The following ROBO2 variants were observed in gnomAD, a reference collection of about 807,000 sequenced individuals.
ROBO2 encodes roundabout guidance receptor 2.
In ROBO2, 53 loss-of-function variants were observed where a neutral mutation model predicts 160.8. That is an observed-to-expected ratio of 0.33 (90% CI 0.26 to 0.41). ROBO2 has a LOEUF of 0.41. Among genes scored for constraint, ROBO2 ranks in the 10% least tolerant of loss-of-function variants. The pLI is 1.00. For missense variants in ROBO2, 1,577 were observed against 1,722.4 expected, an observed-to-expected ratio of 0.92 and a Z score of 1.49; for synonymous variants, 664 against 611.7, an observed-to-expected ratio of 1.09 and a Z score of -1.26.
chr3:77,120,307 C>G (rs551372064), intron 2 of ROBO2, among the ~76,000 whole-genome samples: 9 of 152,110 alleles, frequency 5.9e-5, no homozygotes, highest in Non-Finnish European at 1.3e-4. Context: ...AATAACTTTA[C>G]TTTGATGACC....
intron 2 of ROBO2, among the ~76,000 whole-genome samples, chr3:76,211,635 C>A (rs1308441035): frequency 6.6e-6 from 1 of 152,038 alleles, no homozygotes; most frequent in Non-Finnish European, 1.5e-5. Context: ...AAATGCTTAT[C>A]TACAGAAGCT....
intron 2 of ROBO2, among the ~76,000 whole-genome samples, chr3:76,875,427 G>T (rs1019846404): frequency 6.6e-6 from 1 of 152,174 alleles, no homozygotes; most frequent in African/African-American, 2.4e-5. Context: ...AAACTTAGTG[G>T]TTTAAGACAA....
At chr3:76,413,725 C>A (rs1386201660) in intron 2 of ROBO2, among the ~76,000 whole-genome samples, 1 of 152,118 alleles carries the variant, frequency 6.6e-6, no homozygotes, top group East Asian at 1.9e-4. Context: ...CCATTCAACA[C>A]GTCTCTAGGA....
intron 2 of ROBO2, among the ~76,000 whole-genome samples, chr3:76,293,437 C>T (rs949219674): frequency 2.0e-5 from 3 of 151,872 alleles, no homozygotes; most frequent in African/African-American, 7.3e-5. Context: ...GCCCATATGC[C>T]GGGAGGTGAG....
chr3:77,334,000 T>C lies in ROBO2; in HGVS notation c.389-143414T>C, dbSNP rs542004859. On this transcript the variant is annotated intron_variant, in intron 2 of 25. Transcript: ENST00000461745. ...TTAAGCTCTTTCTTTCTTTCTTTTTTAAGTTAAAGTCATACTCTAACACCT... is the reference window on the plus strand; with the variant it reads ...TTAAGCTCTTTCTTTCTTTCTTTTTCAAGTTAAAGTCATACTCTAACACCT... Among the ~76,000 whole-genome samples, 113 of 152,342 alleles carry C rather than the reference T, an allele frequency of 7.4e-4. 4 individuals carry two copies. In the South Asian group the frequency reaches 0.023, roughly 30 times the overall value.
chr3:77,442,741 A>G (rs1004733010), intron 2 of ROBO2, among the ~76,000 whole-genome samples: 1 of 152,174 alleles, frequency 6.6e-6, no homozygotes. Flanking sequence ...ACCATGTTCC[A>G]AATGAGCCGG....
chr3:77,384,210 C>G (rs1373023171), intron 2 of ROBO2, among the ~76,000 whole-genome samples: 2 of 152,058 alleles, frequency 1.3e-5, no homozygotes, highest in Non-Finnish European at 2.9e-5. Flanking sequence ...TAAATGTATG[C>G]CAACCGAAAG....
chr3:75,928,235 C>T (rs1947370359), intron 1 of ROBO2, among the ~76,000 whole-genome samples: 1 of 152,122 alleles, frequency 6.6e-6, no homozygotes, highest in Admixed American at 6.5e-5. Flanking sequence ...CCACACGCCT[C>T]GACCTCCCAA....
chr3:77,328,372 A>G (rs2065650379), intron 2 of ROBO2, among the ~76,000 whole-genome samples: 1 of 152,208 alleles, frequency 6.6e-6, no homozygotes, highest in South Asian at 2.1e-4. Flanking sequence ...ACAGTTTGCT[A>G]TGTAAAGTTT....
intron 5 of ROBO2, among the ~76,000 whole-genome samples, chr3:77,497,092 T>C (rs907644086): frequency 6.6e-6 from 1 of 152,116 alleles, no homozygotes; most frequent in Non-Finnish European, 1.5e-5. Context: ...ACATTTTCCA[T>C]GCGACCAAGG....
intron 2 of ROBO2, among the ~76,000 whole-genome samples, chr3:76,304,480 A>T (rs1315417470): frequency 6.6e-6 from 1 of 152,228 alleles, no homozygotes; most frequent in Non-Finnish European, 1.5e-5. Flanking sequence ...AGAGTTATGA[A>T]GCTAATGCTA....
intron 2 of ROBO2, among the ~76,000 whole-genome samples, chr3:76,549,843 A>G (rs534194318): frequency 1.3e-5 from 2 of 152,272 alleles, no homozygotes; most frequent in South Asian, 2.1e-4. Flanking sequence ...GCTTTCACAT[A>G]TCTGAGAACT....
chr3:76,829,656 TTTC>T (rs1006363021), intron 2 of ROBO2, among the ~76,000 whole-genome samples: 1 of 149,522 alleles, frequency 6.7e-6, no homozygotes, highest in Non-Finnish European at 1.5e-5. Flanking sequence ...TTTCCTTTTC[TTTC>T]TTTTTTTTTC....
intron 2 of ROBO2, among the ~76,000 whole-genome samples, chr3:76,183,181 A>T (rs183470515): frequency 5.9e-5 from 9 of 152,242 alleles, no homozygotes; most frequent in Admixed American, 1.3e-4. Context: ...CACAAATGTC[A>T]TCTCTAGGAC....
chr3:77,059,376 A>G (rs1341728325), intron 1 of ROBO2, among the ~76,000 whole-genome samples: 2 of 152,248 alleles, frequency 1.3e-5, no homozygotes, highest in Non-Finnish European at 2.9e-5. Flanking sequence ...AAGTACATTT[A>G]AATTTCAAGC....
At chr3:76,077,527 C>T (rs1015675635) in intron 2 of ROBO2, among the ~76,000 whole-genome samples, 1 of 152,078 alleles carries the variant, frequency 6.6e-6, no homozygotes, top group Non-Finnish European at 1.5e-5. Context: ...CGTGCCACTG[C>T]ACTCCAACCT....
chr3:77,387,420 G>A (rs763250720), intron 2 of ROBO2, among the ~76,000 whole-genome samples: 2 of 151,828 alleles, frequency 1.3e-5, no homozygotes, highest in East Asian at 1.9e-4. Flanking sequence ...AACCTAGGTC[G>A]AATCAAGCAC....
At chr3:75,990,857 A>G (rs1308807772) in intron 2 of ROBO2, among the ~76,000 whole-genome samples, 1 of 152,138 alleles carries the variant, frequency 6.6e-6, no homozygotes, top group African/African-American at 2.4e-5. Context: ...TCTTTCCATA[A>G]GAGATTAGTA....
chr3:76,556,096 T>G (rs2083772751), intron 2 of ROBO2, among the ~76,000 whole-genome samples: 1 of 148,454 alleles, frequency 6.7e-6, no homozygotes. Context: ...CCAGATTCCA[T>G]CTCCAAAAAA....
Sources: allele counts gnomAD v4.1 joint callset (sites outside exome capture counted in the v4.1 genomes callset), GRCh38; gene constraint gnomAD v4.1.1; transcripts MANE v1.5; gene names NCBI Gene and HGNC (gene_info 2026-07-23, HGNC 2026-07-21).